Variants in CCDC141 observed in about 807,000 individuals in gnomAD.
The protein encoded by CCDC141 is coiled-coil domain containing 141.
A neutral mutation model predicts 181.0 loss-of-function variants in CCDC141; 168 were observed. The ratio of observed to expected loss-of-function variants is 0.93; its 90% CI spans 0.82 to 1.05. The LOEUF is 1.05. CCDC141 is among the 50% of genes least tolerant of loss of function. The pLI is 0.00. For synonymous variants in CCDC141, 666 were observed against 642.3 expected (o/e 1.04, Z -0.56); for missense variants, 1,902 against 1,788.5 (o/e 1.06, Z -1.14).
intron 2 of CCDC141, among the ~76,000 whole-genome samples, chr2:179,007,254 A>C (rs1003733586): frequency 6.6e-6 from 1 of 152,198 alleles, no homozygotes; most frequent in African/African-American, 2.4e-5. Context: ...TGAGCTGGAG[A>C]GACAGAACCT....
intron 4 of CCDC141, among the ~76,000 whole-genome samples, chr2:178,962,151 C>G (rs1344120861): frequency 6.6e-6 from 1 of 152,134 alleles, no homozygotes; most frequent in East Asian, 1.9e-4. Context: ...AATGGACTAC[C>G]AGTATGTGAT....
chr2:178,855,435 T>C lies in CCDC141; in HGVS notation c.2972A>G (p.Gln991Arg). 1 of 1,612,210 alleles carries C rather than the reference T, an allele frequency of 6.2e-7. No homozygotes were observed. The highest frequency in any genetic ancestry group is 1.3e-5 in the African/African-American group (1 of 74,976). ...NVLLEVMKDLQKHVDDFDKVV... is the reference protein window; with the variant it reads ...NVLLEVMKDLRKHVDDFDKVV... ...TTTGTCAAAGTCATCCACATGTTTT[T>C]GCAAATCCTTCATGACTTCCAAAAG... Residue 991 changes from glutamine to arginine, a missense_variant, in exon 19 of 24, where the codon CAA (glutamine) becomes CGA (arginine). Transcript: ENST00000443758.
intron 2 of CCDC141, among the ~76,000 whole-genome samples, chr2:179,043,364 C>A (rs2043376887): frequency 1.3e-5 from 2 of 152,156 alleles, no homozygotes; most frequent in Admixed American, 1.3e-4. Context: ...CTCCCTAACT[C>A]ATCCTGATGC....
rs368976879 is a variant in CCDC141 at position 178,869,098 on chromosome 2, C to T, written c.2394+19G>A. On this transcript the variant is annotated intron_variant, in intron 15 of 23. Coordinates refer to ENST00000443758, the MANE Select transcript of CCDC141 (RefSeq NM_173648.4). ...AGTTTAAAACTCAGGATTTTTCAGA[C>T]ATCCCTTCTAAGCCTTACCTCTTCC... 6.8e-7 allele frequency: 1 copy of T among 1,468,818 alleles called. No homozygotes were observed. The allele number at this position is 1,468,818 out of a possible 1,614,324, so 91.0% of individuals were successfully genotyped here.
At chr2:178,822,945 A>G in the CCDC141 span, among the ~76,000 whole-genome samples, 1 of 152,196 alleles carries the variant, frequency 6.6e-6, no homozygotes, top group Non-Finnish European at 1.5e-5. Context: ...TGCACTGTAT[A>G]TGGAGTCTGT....
chr2:179,036,805 C>A (rs961430883), intron 2 of CCDC141, among the ~76,000 whole-genome samples: 2 of 152,214 alleles, frequency 1.3e-5, no homozygotes, highest in African/African-American at 4.8e-5. Context: ...AAGATGAGAA[C>A]ACCATCCATT....
chr2:178,822,054 A>T, the CCDC141 span, among the ~76,000 whole-genome samples: 1 of 152,298 alleles, frequency 6.6e-6, no homozygotes, highest in Admixed American at 6.5e-5. Context: ...TGGCACATAT[A>T]CAACATGGAA....
At chr2:178,887,412 ATGAGTCAT>A (rs1232010829) in intron 9 of CCDC141, among the ~76,000 whole-genome samples, 2 of 152,208 alleles carry the variant, frequency 1.3e-5, no homozygotes, top group Non-Finnish European at 2.9e-5. Flanking sequence ...CTCAGTGGAC[ATGAGTCAT>A]TGACTAAAAT....
intron 22 of CCDC141, among the ~76,000 whole-genome samples, chr2:178,841,525 G>A (rs1427351926): frequency 6.6e-6 from 1 of 151,400 alleles, no homozygotes; most frequent in Non-Finnish European, 1.5e-5. Context: ...ATTATCACAG[G>A]TACTTCAAAA....
intron 2 of CCDC141, among the ~76,000 whole-genome samples, chr2:179,012,532 C>T (rs2042298717): frequency 1.3e-5 from 2 of 152,094 alleles, no homozygotes; most frequent in Admixed American, 6.5e-5. Flanking sequence ...CAGAATTATA[C>T]CACACATTCA....
chr2:178,891,720 C>G (rs1164151898), intron 8 of CCDC141, among the ~76,000 whole-genome samples: 1 of 152,030 alleles, frequency 6.6e-6, no homozygotes, highest in Admixed American at 6.6e-5. Flanking sequence ...AAAACTGTTG[C>G]TTTTTAGCAA....
chr2:178,905,476 T>G lies in CCDC141; in HGVS notation c.1118A>C (p.Glu373Ala). 3 of 1,549,978 alleles carry G rather than the reference T, an allele frequency of 1.9e-6. No individual in the cohort carries two copies. Among genetic ancestry groups the G allele is most frequent in the Non-Finnish European group, 2.6e-6 (3 of 1,146,774 alleles). The stretch of plus-strand genomic sequence containing the variant: ...TGATTTAAGGAGCTTAAGGTAAGCT[T>G]CAACTCTTCCAAGTACATCAAATGC... ...NKAFDVLGRV[E>A]AYLKLLKSEG... is the part of the protein sequence containing the mutation. Residue 373 changes from glutamate to alanine, a missense_variant, in exon 8 of 24, where the codon GAA becomes GCA. Transcript: ENST00000443758.
chr2:178,857,666 A>G (rs1003298549), intron 17 of CCDC141, among the ~76,000 whole-genome samples: 1 of 152,206 alleles, frequency 6.6e-6, no homozygotes, highest in Non-Finnish European at 1.5e-5. Context: ...ACCAAAGAGA[A>G]GTACAGAGAA....
chr2:178,958,726 T>C (rs1201137424), intron 5 of CCDC141, among the ~76,000 whole-genome samples: 1 of 152,162 alleles, frequency 6.6e-6, no homozygotes. Context: ...TTTTTGTTTT[T>C]TTTACTACAG....
At chr2:178,923,638 C>T (rs914144284) in intron 6 of CCDC141, among the ~76,000 whole-genome samples, 21 of 152,134 alleles carry the variant, frequency 1.4e-4, no homozygotes, top group African/African-American at 5.1e-4. Flanking sequence ...AAGCCAAAGC[C>T]TTCCATTTCC....
chr2:178,933,427 A>G (rs189400913), intron 6 of CCDC141, among the ~76,000 whole-genome samples: 55 of 152,314 alleles, frequency 3.6e-4, no homozygotes, highest in South Asian at 1.9e-3. Context: ...GTCTCATTCA[A>G]TAAGTGTGAT....
chr2:179,047,193 A>T (rs2043525554), intron 2 of CCDC141, 91 bp downstream of exon 2: 3 of 1,200,782 alleles, frequency 2.5e-6, no homozygotes, highest in African/African-American at 3.1e-5. Flanking sequence ...AAGTGGCCCT[A>T]GGCCAGTAAC....
intron 11 of CCDC141, 43 bp downstream of exon 11, chr2:178,884,858 C>A: frequency 6.8e-7 from 1 of 1,473,530 alleles, no homozygotes; most frequent in South Asian, 1.2e-5. Context: ...AGGACATGGG[C>A]AGTGGCCACC....
At chr2:178,908,319 C>T (rs1221150992) in intron 7 of CCDC141, among the ~76,000 whole-genome samples, 1 of 152,030 alleles carries the variant, frequency 6.6e-6, no homozygotes, top group African/African-American at 2.4e-5. Context: ...CTCAGCCTCC[C>T]GAGTAGCTGG....
Sources: allele counts gnomAD v4.1 joint callset (sites outside exome capture counted in the v4.1 genomes callset), GRCh38; gene constraint gnomAD v4.1.1; transcripts MANE v1.5; gene names NCBI Gene and HGNC (gene_info 2026-07-23, HGNC 2026-07-21).